The following MOB2 variants were observed in gnomAD, a reference collection of about 807,000 sequenced individuals.
MOB2 encodes the protein MOB kinase activator 2, also known as MOB2 Mps One Binder homolog.
MOB2 carries 14 observed loss-of-function variants against 27.4 expected under a neutral mutation model. The observed-to-expected ratio is 0.51, with a 90% CI of 0.34 to 0.80. The LOEUF (loss-of-function observed/expected upper bound fraction) is 0.80. MOB2 is among the 30% of genes least tolerant of loss of function. MOB2 has a pLI of 0.01. For missense variants in MOB2, 304 were observed against 354.6 expected (o/e 0.86, Z 1.15); for synonymous variants, 167 against 151.8 (o/e 1.10, Z -0.74).
intron 1 of MOB2, among the ~76,000 whole-genome samples, chr11:1,482,824 C>T (rs1212161841): frequency 1.3e-5 from 2 of 152,222 alleles, no homozygotes; most frequent in Non-Finnish European, 2.9e-5. Flanking sequence ...AACGGCTGTG[C>T]GGGCACCAAC....
intron 3 of MOB2, among the ~76,000 whole-genome samples, chr11:1,478,991 T>G (rs1453599813): frequency 1.3e-5 from 2 of 152,228 alleles, no homozygotes; most frequent in East Asian, 3.9e-4. Flanking sequence ...AGGCATTACA[T>G]GCAATTAATT....
At chr11:1,471,079 T>C (rs1464046797) in intron 4 of MOB2, among the ~76,000 whole-genome samples, 1 of 152,194 alleles carries the variant, frequency 6.6e-6, no homozygotes, top group Non-Finnish European at 1.5e-5. Context: ...GCCAGGGAGA[T>C]GGCCCTTGGC....
intron 3 of MOB2, among the ~76,000 whole-genome samples, chr11:1,479,728 GACA>G (rs923984528): frequency 3.3e-5 from 5 of 152,244 alleles, no homozygotes; most frequent in Admixed American, 2.6e-4. Flanking sequence ...TGTGTGCACT[GACA>G]ACAACGGGAC....
chr11:1,480,969 G>C (rs1847906756), intron 1 of MOB2, 84 bp from the exon 2 acceptor site: 2 of 1,497,050 alleles, frequency 1.3e-6, no homozygotes, highest in African/African-American at 2.8e-5. Flanking sequence ...GGCCAGCGCA[G>C]GTGTAGAGGG....
intron 3 of MOB2, among the ~76,000 whole-genome samples, chr11:1,478,915 A>G (rs552537547): frequency 6.6e-6 from 1 of 152,326 alleles, no homozygotes; most frequent in Admixed American, 6.5e-5. Flanking sequence ...AGGCCCTCTG[A>G]GAAGTCTCCA....
At chr11:1,480,692 AG>A (rs780043645) in intron 2 of MOB2, 32 bp downstream of exon 2, 1 of 1,591,628 alleles carries the variant, frequency 6.3e-7, no homozygotes, top group Non-Finnish European at 8.6e-7. Flanking sequence ...AGCAGGGAGG[AG>A]GGAGGGGGCC....
Position 1,469,533 on chromosome 11 carries a change from G to C in MOB2, c.*639C>G. The C allele has an allele frequency of 2.2e-6, 1 of 456,066 alleles. No individual in the cohort carries two copies. The highest frequency in any genetic ancestry group is 4.4e-6 in the Non-Finnish European group (1 of 226,524). 28.3% of individuals were successfully genotyped at this position (456,066 alleles called of 1,614,324 possible). On this transcript the variant is annotated 3_prime_UTR_variant, in exon 5 of 5. Coordinates refer to ENST00000329957, the MANE Select transcript of MOB2 (RefSeq NM_001172223.3). ...CGGGTCTCAGCCTTCCGCTGGTGCA[G>C]CATCTCCACGCAGGGCCTCAGCCCC...
intron 1 of MOB2, among the ~76,000 whole-genome samples, chr11:1,484,365 G>A (rs138195063): frequency 0.011 from 1,657 of 152,264 alleles, 26 homozygotes; most frequent in African/African-American, 0.036. Flanking sequence ...CGCAGGTGAC[G>A]CCTCTGAGGA....
chr11:1,485,100 G>A (rs1214652296), intron 1 of MOB2, among the ~76,000 whole-genome samples: 1 of 152,332 alleles, frequency 6.6e-6, no homozygotes, highest in Non-Finnish European at 1.5e-5. Flanking sequence ...ATGCTCCACT[G>A]CGCCTCGGCC....
At chr11:1,473,882 G>A (rs940789287) in intron 3 of MOB2, among the ~76,000 whole-genome samples, 4 of 152,274 alleles carry the variant, frequency 2.6e-5, no homozygotes, top group African/African-American at 9.6e-5. Context: ...CTCAGGGATG[G>A]GCCGCGGGAA....
Position 1,480,902 on chromosome 11 carries a change from C to G in MOB2, c.111-17G>C. 1.3e-6 allele frequency: 2 copies of G among 1,551,110 alleles called. No homozygotes were observed. Among genetic ancestry groups the G allele is most frequent in the Non-Finnish European group, 1.7e-6 (2 of 1,147,366 alleles). The stretch of plus-strand genomic sequence containing the variant: ...TTGGACTTCCTGCCAAGAGAGGAGA[C>G]GCGGTGTGGTCACTACACGCCCATC... On this transcript the variant is annotated splice_polypyrimidine_tract_variant and intron_variant, in intron 1 of 4. Coordinates refer to ENST00000329957, the MANE Select transcript of MOB2 (RefSeq NM_001172223.3).
intron 3 of MOB2, 149 bp from the exon 4 acceptor site, chr11:1,471,568 A>G: frequency 4.6e-6 from 4 of 867,416 alleles, no homozygotes; most frequent in Non-Finnish European, 5.3e-6. Flanking sequence ...GGACATGCAC[A>G]CTGTCCCCAC....
rs1055845273 is a variant in MOB2 at position 1,476,224 on chromosome 11, G to A, written c.365+4169C>T. ...TAGTTGACTGTGGGTAACGGAAACTGTAGATAAGGGGGGCTTATTGTTTTA... is the reference window on the plus strand; with the variant it reads ...TAGTTGACTGTGGGTAACGGAAACTATAGATAAGGGGGGCTTATTGTTTTA... On this transcript the variant is annotated intron_variant, in intron 3 of 4. Transcript: ENST00000329957. Among the ~76,000 whole-genome samples the A allele has an allele frequency of 1.3e-5, 2 of 152,260 alleles. 1 individual carries two copies. Among genetic ancestry groups the A allele is most frequent in the South Asian group, 4.1e-4 (2 of 4,832 alleles).
chr11:1,469,699 G>C lies in MOB2; in HGVS notation c.*473C>G. On this transcript the variant is annotated 3_prime_UTR_variant, in exon 5 of 5. Transcript: ENST00000329957. ...CCACCTCTGAGCTGCCAACAGCCAA[G>C]ACTCCTGGCGAGGCCGGGAGAGGAG... 1 of 458,564 alleles carries C rather than the reference G, an allele frequency of 2.2e-6. No individual in the cohort carries two copies. The highest frequency in any genetic ancestry group is 2.0e-5 in the African/African-American group (1 of 50,296). 28.4% of individuals were successfully genotyped at this position (458,564 alleles called of 1,614,324 possible).
intron 1 of MOB2, among the ~76,000 whole-genome samples, chr11:1,484,282 G>A (rs1847946383): frequency 6.6e-6 from 1 of 152,226 alleles, no homozygotes; most frequent in African/African-American, 2.4e-5. Flanking sequence ...GAGGGGCCCA[G>A]AAATACAAGT....
intron 3 of MOB2, among the ~76,000 whole-genome samples, chr11:1,477,539 C>T (rs760681297): frequency 5.9e-5 from 9 of 152,286 alleles, no homozygotes; most frequent in African/African-American, 9.6e-5. Flanking sequence ...AAGGGTAGAA[C>T]GCTCATGAAC....
chr11:1,486,563 G>C lies in MOB2; in HGVS notation c.-7C>G. 1 of 1,531,430 alleles carries C rather than the reference G, an allele frequency of 6.5e-7. No homozygotes were observed. Among genetic ancestry groups the C allele is most frequent in the South Asian group, 1.2e-5 (1 of 83,956 alleles). The allele number at this position is 1,531,430 out of a possible 1,614,324, so 94.9% of individuals were successfully genotyped here. On this transcript the variant is annotated 5_prime_UTR_variant, in exon 1 of 5. Coordinates refer to ENST00000329957, the MANE Select transcript of MOB2 (RefSeq NM_001172223.3). ...TGCAGTGGTCTCCCAGCATGAGTGG[G>C]CGACGGGAAGGTGGGGAGGAGAAGC...
intron 3 of MOB2, among the ~76,000 whole-genome samples, chr11:1,475,880 T>C (rs1287357942): frequency 6.6e-6 from 1 of 152,282 alleles, no homozygotes; most frequent in Middle Eastern, 3.2e-3. Context: ...AATCTGTTTC[T>C]TTCTAGTCAG....
Position 1,469,993 on chromosome 11 carries a change from C to T in MOB2, c.*179G>A, listed in dbSNP as rs1388543538. On this transcript the variant is annotated 3_prime_UTR_variant, in exon 5 of 5. Coordinates refer to ENST00000329957, the MANE Select transcript of MOB2 (RefSeq NM_001172223.3). ...CGGCACGCATCCATCCGACAGGGGG[C>T]CACAGGACACGGCCGGGGCCGTCTG... 1 of 1,492,266 alleles carries T rather than the reference C, an allele frequency of 6.7e-7. No individual in the cohort carries two copies. Among genetic ancestry groups the T allele is most frequent in the Admixed American group, 2.0e-5 (1 of 50,950 alleles). 92.4% of individuals were successfully genotyped at this position (1,492,266 alleles called of 1,614,324 possible).
Sources: allele counts gnomAD v4.1 joint callset (sites outside exome capture counted in the v4.1 genomes callset), GRCh38; gene constraint gnomAD v4.1.1; transcripts MANE v1.5; gene names NCBI Gene and HGNC (gene_info 2026-07-23, HGNC 2026-07-21).